KIAA1217: variants seen among roughly 807,000 people sequenced by gnomAD.
KIAA1217 encodes KIAA1217.
A neutral mutation model predicts 163.9 loss-of-function variants in KIAA1217; 88 were observed. The ratio of observed to expected loss-of-function variants is 0.54; its 90% CI spans 0.45 to 0.64. The LOEUF (loss-of-function observed/expected upper bound fraction) is 0.64, where lower values mean the gene tolerates loss of function less well. KIAA1217 is among the 30% of genes least tolerant of loss of function. The pLI is 0.00. For synonymous variants in KIAA1217, 903 were observed against 923.1 expected (o/e 0.98, Z 0.39); for missense variants, 2,372 against 2,475.0 (o/e 0.96, Z 0.88).
intron 1 of KIAA1217, among the ~76,000 whole-genome samples, chr10:23,852,424 A>G (rs1316435286): frequency 6.6e-6 from 1 of 152,096 alleles, no homozygotes; most frequent in Non-Finnish European, 1.5e-5. Flanking sequence ...GTAGCCTTGT[A>G]GTATAGTTTG....
intron 1 of KIAA1217, among the ~76,000 whole-genome samples, chr10:23,959,162 G>A (rs1427314451): frequency 1.3e-5 from 2 of 152,062 alleles, no homozygotes; most frequent in Non-Finnish European, 2.9e-5. Flanking sequence ...TTTGGGGGCT[G>A]TAGGTCAACA....
chr10:24,395,608 T>C (rs1392764357), intron 3 of KIAA1217, among the ~76,000 whole-genome samples: 1 of 152,194 alleles, frequency 6.6e-6, no homozygotes, highest in Non-Finnish European at 1.5e-5. Context: ...TAATTGGCCT[T>C]TCTTGATTCT....
At chr10:24,242,895 A>G (rs2131331024) in intron 2 of KIAA1217, among the ~76,000 whole-genome samples, 1 of 152,076 alleles carries the variant, frequency 6.6e-6, no homozygotes. Flanking sequence ...TCTTTTCAGA[A>G]TTGTCTGTTT....
Position 24,036,081 on chromosome 10 carries a change from C to T in KIAA1217, c.-171+28707C>T, listed in dbSNP as rs536372254. ...GTTACTGCAGGCTGTGGCCTCGAACCAGCCCCAGGGAGGAGATCCCCAACA... is the reference window on the plus strand; with the variant it reads ...GTTACTGCAGGCTGTGGCCTCGAACTAGCCCCAGGGAGGAGATCCCCAACA... On this transcript the variant is annotated intron_variant, in intron 2 of 18. Coordinates refer to the KIAA1217 transcript ENST00000376462. 8.5e-5 allele frequency among the ~76,000 whole-genome samples: 13 copies of T among 152,330 alleles called. No homozygotes were observed. In the South Asian group the frequency reaches 2.5e-3, roughly 29 times the overall value.
rs553697843 is a variant in KIAA1217, at chr10:23,839,105, C to T, written c.-321+143871C>T. 3.3e-5 allele frequency among the ~76,000 whole-genome samples: 5 copies of T among 152,146 alleles called. No homozygotes were observed. The South Asian group carries it at 8.3e-4, about 25-fold the overall frequency. ...ACTTTTTCTTTTAGAATTTTATATG[C>T]AGATTTTAAATTATCCAATACATGC... On this transcript the variant is annotated intron_variant, in intron 1 of 18. Transcript: ENST00000376462.
chr10:24,473,055 C>T (rs1845820489), intron 5 of KIAA1217, among the ~76,000 whole-genome samples, 173 bp from the exon 6 acceptor site: 1 of 152,226 alleles, frequency 6.6e-6, no homozygotes. Context: ...ATCTCACCAT[C>T]CTCAACTTCA....
intron 1 of KIAA1217, among the ~76,000 whole-genome samples, chr10:23,815,500 T>C (rs1048007576): frequency 3.2e-4 from 48 of 152,060 alleles, no homozygotes; most frequent in Non-Finnish European, 4.7e-4. Context: ...AAAAATTAGC[T>C]GGGCGTGGTG....
intron 5 of KIAA1217, among the ~76,000 whole-genome samples, chr10:24,439,615 G>A (rs751561102): frequency 7.9e-5 from 12 of 150,982 alleles, no homozygotes; most frequent in Non-Finnish European, 1.2e-4. Context: ...CAGCAGGTAT[G>A]CATTCTTTTC....
At chr10:24,027,135 A>T (rs1379536933) in intron 2 of KIAA1217, among the ~76,000 whole-genome samples, 3 of 152,128 alleles carry the variant, frequency 2.0e-5, no homozygotes, top group Middle Eastern at 3.4e-3. Flanking sequence ...ATATCTTCAT[A>T]GTTCTGTGCA....
At position 24,495,311 on chromosome 10, in the gene KIAA1217, G is replaced by T. The variant is rs551434586; in HGVS notation, c.1834+115G>T. The T allele has an allele frequency of 1.3e-4, 106 of 785,814 alleles. 2 individuals carry two copies. The South Asian group carries it at 1.8e-3, about 14-fold the overall frequency. The allele number at this position is 785,814 out of a possible 1,614,324, so 48.7% of individuals were successfully genotyped here. ...GTCACGTATTTGGTATGATGTCAGG[G>T]GATTCCTAGATATTCCTGCCAATAC... On this transcript the variant is annotated intron_variant, in intron 8 of 20. Coordinates refer to ENST00000376454, the MANE Select transcript of KIAA1217 (RefSeq NM_019590.5).
intron 4 of KIAA1217, among the ~76,000 whole-genome samples, chr10:24,434,509 T>G (rs1211351749): frequency 6.6e-6 from 1 of 152,180 alleles, no homozygotes; most frequent in South Asian, 2.1e-4. Context: ...GGCTAATTTT[T>G]AATCTTTTGT....
intron 1 of KIAA1217, among the ~76,000 whole-genome samples, chr10:23,932,391 A>G (rs977908155): frequency 6.6e-6 from 1 of 151,748 alleles, no homozygotes. Context: ...AAATGTACAA[A>G]TTGAACCAGA....
chr10:23,943,675 A>T (rs1195892009), intron 1 of KIAA1217, among the ~76,000 whole-genome samples: 1 of 152,240 alleles, frequency 6.6e-6, no homozygotes, highest in African/African-American at 2.4e-5. Context: ...AGTTTAAAAC[A>T]TCTTGAAGAA....
chr10:24,405,322 A>G (rs1158762445), intron 3 of KIAA1217, among the ~76,000 whole-genome samples: 1 of 152,188 alleles, frequency 6.6e-6, no homozygotes, highest in Non-Finnish European at 1.5e-5. Flanking sequence ...AAATACATAT[A>G]CTTCTCTAAG....
chr10:24,082,929 A>C (rs1418076116), intron 2 of KIAA1217, among the ~76,000 whole-genome samples: 1 of 152,054 alleles, frequency 6.6e-6, no homozygotes, highest in East Asian at 1.9e-4. Flanking sequence ...CTTTTTAATA[A>C]TGGCTTTTCT....
rs568822817 is a variant in KIAA1217 at position 24,546,967 on chromosome 10, T to C, written c.*643T>C. ...TGTAGAAGGCAATTTATCAAACCTATTGCACTGCCATGAAAAGTGTGTATA... is the reference window on the plus strand; with the variant it reads ...TGTAGAAGGCAATTTATCAAACCTACTGCACTGCCATGAAAAGTGTGTATA... On this transcript the variant is annotated 3_prime_UTR_variant, in exon 21 of 21. Transcript: ENST00000376454. 1 of 152,558 alleles carries C rather than the reference T, an allele frequency of 6.6e-6. No individual in the cohort carries two copies. Among genetic ancestry groups the C allele is most frequent in the East Asian group, 1.9e-4 (1 of 5,196 alleles). The allele number at this position is 152,558 out of a possible 1,614,324, so 9.5% of individuals were successfully genotyped here. A position where few individuals can be genotyped will look rare whatever the true frequency, so the allele number is the denominator to read the frequency against.
chr10:23,964,182 A>T lies in KIAA1217; in HGVS notation c.-320-43043A>T, dbSNP rs1314853268. 2.0e-5 allele frequency among the ~76,000 whole-genome samples: 3 copies of T among 151,838 alleles called. No individual in the cohort carries two copies. The East Asian group carries it at 5.8e-4, about 29-fold the overall frequency. On this transcript the variant is annotated intron_variant, in intron 1 of 18. Transcript: ENST00000376462. ...CTCCCAAAGTGCTAGGATTACAGGC[A>T]TGAGCCACTGTGCCTGGCCGATGAG...
intron 2 of KIAA1217, among the ~76,000 whole-genome samples, chr10:24,013,888 G>A (rs565756900): frequency 1.2e-4 from 19 of 152,238 alleles, no homozygotes. Flanking sequence ...GGAAAGATGT[G>A]TGTGCTCACA....
rs149976284 is a variant in KIAA1217 at position 23,875,693 on chromosome 10, C to T, written c.-320-131532C>T. ...ATTCACAATAGCAAAGACTTGGAAC[C>T]GACCCAAATGTCCAACAATGATAGA... On this transcript the variant is annotated intron_variant, in intron 1 of 18. Coordinates refer to the KIAA1217 transcript ENST00000376462. 5.2e-3 allele frequency among the ~76,000 whole-genome samples: 785 copies of T among 151,984 alleles called. 7 individuals carry two copies. The highest frequency in any genetic ancestry group is 0.017 in the African/African-American group (701 of 41,462).
Sources: gnomAD v4.1 joint callset for allele counts (sites outside exome capture counted in the v4.1 genomes callset) on GRCh38, gnomAD v4.1.1 for gene constraint, MANE v1.5 for transcripts, NCBI Gene and HGNC (gene_info 2026-07-23, HGNC 2026-07-21) for gene names.